ARMC9: variants seen among roughly 807,000 people sequenced by gnomAD.
ARMC9 encodes lisH domain-containing protein ARMC9.
A neutral mutation model predicts 107.0 loss-of-function variants in ARMC9; 94 were observed. The observed-to-expected ratio is 0.88, with a 90% CI of 0.74 to 1.04. The LOEUF (loss-of-function observed/expected upper bound fraction) is 1.04. Ranked by LOEUF, ARMC9 falls within the 50% of genes least tolerant of loss-of-function variation. The pLI, the probability that ARMC9 is intolerant of heterozygous loss-of-function variation, is 0.00. For synonymous variants in ARMC9, 380 were observed against 396.9 expected, an observed-to-expected ratio of 0.96 and a Z score of 0.51; for missense variants, 942 against 1,030.1, an observed-to-expected ratio of 0.91 and a Z score of 1.17.
chr2:231,343,675 G>A (rs2044651547), intron 20 of ARMC9, among the ~76,000 whole-genome samples: 1 of 152,006 alleles, frequency 6.6e-6, no homozygotes, highest in Non-Finnish European at 1.5e-5. Flanking sequence ...ACAAAAAATT[G>A]TGGCAGAAAA....
At chr2:231,298,761 C>T (rs1016006372) in intron 19 of ARMC9, among the ~76,000 whole-genome samples, 5 of 152,094 alleles carry the variant, frequency 3.3e-5, no homozygotes, top group African/African-American at 1.2e-4. Context: ...GGTGAAACCC[C>T]ATCTCTACTA....
At chr2:231,251,352 A>C (rs2037282337) in intron 9 of ARMC9, among the ~76,000 whole-genome samples, 1 of 151,912 alleles carries the variant, frequency 6.6e-6, no homozygotes, top group African/African-American at 2.4e-5. Context: ...TTTTTAGTAG[A>C]GATGGGGTTT....
rs766850144 is a variant in ARMC9 at position 231,291,390 on chromosome 2, G to A, written c.1664G>A (p.Gly555Asp). 2.9e-5 allele frequency: 46 copies of A among 1,613,576 alleles called. No homozygotes were observed. The highest frequency in any genetic ancestry group is 3.3e-4 in the Middle Eastern group (2 of 6,084). The change falls in exon 18 of 25, where the codon GGC becomes GAC. Residue 555 changes from glycine to aspartate, a missense_variant. Gly to Asp is a moderately conservative substitution (Grantham distance 94). Transcript: ENST00000611582. ...ATCCTACGCTGCTTCATCAAAGAAGGCAATGCTGAAATGATCCGCCAGATA... is the reference window on the plus strand; with the variant it reads ...ATCCTACGCTGCTTCATCAAAGAAGACAATGCTGAAATGATCCGCCAGATA... ...EDILRCFIKE[G>D]NAEMIRQIEF...
At chr2:231,318,451 T>C (rs914968240) in intron 19 of ARMC9, among the ~76,000 whole-genome samples, 15 of 152,234 alleles carry the variant, frequency 9.9e-5, no homozygotes, top group Non-Finnish European at 1.5e-5. Flanking sequence ...TGCATGTACC[T>C]GTAGTTTAGC....
chr2:231,233,174 TA>T (rs2035400706), intron 7 of ARMC9, among the ~76,000 whole-genome samples: 1 of 152,220 alleles, frequency 6.6e-6, no homozygotes, highest in Admixed American at 6.5e-5. Flanking sequence ...GTTTTAATAG[TA>T]AAAATATTTT....
intron 20 of ARMC9, among the ~76,000 whole-genome samples, chr2:231,333,738 C>T (rs529648766): frequency 1.3e-5 from 2 of 152,296 alleles, no homozygotes; most frequent in South Asian, 2.1e-4. Context: ...GTTGAGACCG[C>T]GACGCATGTA....
At chr2:231,305,920 C>A (rs573814089) in intron 19 of ARMC9, among the ~76,000 whole-genome samples, 2 of 152,286 alleles carry the variant, frequency 1.3e-5, no homozygotes, top group African/African-American at 4.8e-5. Flanking sequence ...TTTAAACAAA[C>A]TCATCTTGTT....
chr2:231,303,937 A>C (rs535364644), intron 19 of ARMC9, among the ~76,000 whole-genome samples: 1 of 150,906 alleles, frequency 6.6e-6, no homozygotes, highest in African/African-American at 2.4e-5. Flanking sequence ...CTCAGTCTCA[A>C]AAAAATAATT....
chr2:231,212,353 G>A (rs1307930169), intron 3 of ARMC9, among the ~76,000 whole-genome samples: 2 of 152,206 alleles, frequency 1.3e-5, no homozygotes, highest in African/African-American at 4.8e-5. Flanking sequence ...TGATTCATGA[G>A]TTAGGAAGAA....
intron 19 of ARMC9, among the ~76,000 whole-genome samples, chr2:231,298,702 T>C (rs2041532939): frequency 6.6e-6 from 1 of 152,140 alleles, no homozygotes; most frequent in Non-Finnish European, 1.5e-5. Flanking sequence ...ATCTCAACAC[T>C]TTGGGAGGCC....
chr2:231,256,560 G>C, intron 9 of ARMC9, 26 bp from the exon 10 acceptor site: 1 of 1,612,710 alleles, frequency 6.2e-7, no homozygotes, highest in Non-Finnish European at 8.5e-7. Flanking sequence ...AACACCATCT[G>C]TTTTCTTCTG....
At chr2:231,359,306 C>G (rs774136868) in intron 22 of ARMC9, among the ~76,000 whole-genome samples, 14 of 151,884 alleles carry the variant, frequency 9.2e-5, no homozygotes, top group Non-Finnish European at 1.8e-4. Context: ...AGGCTGGTCT[C>G]AAACTCCTGG....
intron 13 of ARMC9, among the ~76,000 whole-genome samples, chr2:231,272,187 G>GTTTTT (rs56201225): frequency 6.5e-4 from 65 of 99,686 alleles, no homozygotes; most frequent in Non-Finnish European, 7.8e-4. Flanking sequence ...TGTGTGTTTG[G>GTTTTT]TTTTTTTTTT....
At chr2:231,330,465 A>G (rs919852132) in intron 19 of ARMC9, among the ~76,000 whole-genome samples, 9 of 151,988 alleles carry the variant, frequency 5.9e-5, no homozygotes, top group Non-Finnish European at 1.0e-4. Context: ...GGCTCCTCCA[A>G]CACCACCCCA....
At chr2:231,316,154 GTATGTA>G (rs1010239370) in intron 19 of ARMC9, among the ~76,000 whole-genome samples, 1 of 119,168 alleles carries the variant, frequency 8.4e-6, no homozygotes, top group African/African-American at 4.3e-5. Flanking sequence ...GAACATGTGT[GTATGTA>G]TGTGTGTGTG....
intron 23 of ARMC9, among the ~76,000 whole-genome samples, chr2:231,365,227 A>T (rs757980116): frequency 6.6e-6 from 1 of 152,178 alleles, no homozygotes; most frequent in Non-Finnish European, 1.5e-5. Context: ...GCAGAAACGC[A>T]TGGGACTGAG....
intron 5 of ARMC9, among the ~76,000 whole-genome samples, chr2:231,217,371 G>A (rs1389884191): frequency 2.6e-5 from 4 of 152,134 alleles, no homozygotes; most frequent in Admixed American, 6.5e-5. Context: ...ATCACTTGAG[G>A]CCAGGAGTTT....
intron 6 of ARMC9, 78 bp downstream of exon 6, chr2:231,222,898 TA>T (rs1440688448): frequency 7.6e-6 from 7 of 917,364 alleles, no homozygotes; most frequent in Non-Finnish European, 1.2e-5. Context: ...GGCTTAGGTT[TA>T]TTGAGGTTGC....
chr2:231,322,162 G>A (rs16827924), intron 19 of ARMC9, among the ~76,000 whole-genome samples: 4,337 of 152,296 alleles, frequency 0.028, 185 homozygotes, highest in African/African-American at 0.098. Flanking sequence ...ACTTCTCCGC[G>A]TCGCGGGGAG....
Sources: gnomAD v4.1 joint callset for allele counts (sites outside exome capture counted in the v4.1 genomes callset) on GRCh38, gnomAD v4.1.1 for gene constraint, MANE v1.5 for transcripts, NCBI Gene and HGNC (gene_info 2026-07-23, HGNC 2026-07-21) for gene names.